The following OR11A1 variants were observed in gnomAD, a reference collection of about 807,000 sequenced individuals.
The protein encoded by OR11A1 is olfactory receptor 11A1.
For synonymous variants in OR11A1, 158 were observed against 152.2 expected (o/e 1.04, Z -0.28); for missense variants, 380 against 378.2 (o/e 1.00, Z -0.04).
intron 1 of OR11A1, among the ~76,000 whole-genome samples, chr6:29,435,940 G>A (rs1429660623): frequency 2.0e-5 from 3 of 152,126 alleles, no homozygotes; most frequent in Non-Finnish European, 2.9e-5. Context: ...CATAATCCCT[G>A]GCCTTCTAAA....
Position 29,427,361 on chromosome 6 carries a change from G to A in OR11A1, c.281C>T (p.Ser94Phe). The change falls in exon 5 of 5, where the codon TCT becomes TTT. Residue 94 changes from serine (S) to phenylalanine (F), a missense_variant. Physicochemically the swap from Ser to Phe is radical, Grantham distance 155. Transcript: ENST00000377149. ...GAACTGGAGCAAGCAACCAGCCACA[G>A]AGATAGTTGCTTCTTGCAGGAAGCC... ...LEGFLQEATI[S>F]VAGCLLQFFI... The A allele has an allele frequency of 1.2e-6, 2 of 1,613,140 alleles. No homozygotes were observed. The highest frequency in any genetic ancestry group is 1.7e-6 in the Non-Finnish European group (2 of 1,180,034).
At chr6:29,445,051 G>A (rs147682974) in intron 1 of OR11A1, among the ~76,000 whole-genome samples, 1,910 of 152,220 alleles carry the variant, frequency 0.013, 41 homozygotes, top group African/African-American at 0.038. Flanking sequence ...TTGTTGCCCA[G>A]GCTAGAGTGC....
intron 1 of OR11A1, among the ~76,000 whole-genome samples, chr6:29,450,710 C>A (rs966856960): frequency 9.2e-5 from 14 of 151,742 alleles, no homozygotes; most frequent in Non-Finnish European, 1.9e-4. Flanking sequence ...AAATCAGAGA[C>A]AACACACACA....
intron 1 of OR11A1, among the ~76,000 whole-genome samples, chr6:29,448,010 C>CTTTTTTTTTTTTT (rs9280602): frequency 1.3e-5 from 1 of 79,934 alleles, no homozygotes; most frequent in Non-Finnish European, 2.3e-5. Context: ...ATGACCCTTT[C>CTTTTTTTTTTTTT]TTTTTTTTTT....
At chr6:29,440,003 G>A (rs749376092) in intron 1 of OR11A1, 5 of 1,604,662 alleles carry the variant, frequency 3.1e-6, no homozygotes, top group African/African-American at 1.3e-5. Context: ...CCAGTCAAAG[G>A]TATGCAGGCA....
chr6:29,446,906 A>C (rs1246047188), intron 1 of OR11A1, among the ~76,000 whole-genome samples: 1 of 152,190 alleles, frequency 6.6e-6, no homozygotes, highest in African/African-American at 2.4e-5. Flanking sequence ...CACCCTCTTC[A>C]GAAAGCCAAA....
intron 3 of OR11A1, among the ~76,000 whole-genome samples, chr6:29,429,189 C>T (rs1267398695): frequency 1.3e-5 from 2 of 152,220 alleles, no homozygotes; most frequent in East Asian, 3.9e-4. Context: ...AAACTGGATG[C>T]CTCAGGGACC....
Position 29,427,631 on chromosome 6 carries a change from A to G in OR11A1, c.11T>C (p.Val4Ala), listed in dbSNP as rs1433353625. The change falls in exon 5 of 5, where the codon GTC becomes GCC. Residue 4 changes from valine (V) to alanine (A), a missense_variant. Coordinates refer to ENST00000377149, the MANE Select transcript of OR11A1 (RefSeq NM_001394828.1). ...AGTAATAGTTTCGTTTCCTGTGGAG[A>G]CAATTTCCATGTCGATCGTCCAAGT... The part of the protein sequence containing the change: MEI[V>A]STGNETITEF... 2 of 1,605,032 alleles carry G rather than the reference A, an allele frequency of 1.2e-6. No homozygotes were observed. The highest frequency in any genetic ancestry group is 1.7e-6 in the Non-Finnish European group (2 of 1,175,298).
At position 29,426,932 on chromosome 6, in the gene OR11A1, C is replaced by A. The variant is rs1323207836; in HGVS notation, c.710G>T (p.Arg237Met). The change falls in exon 5 of 5, where the codon AGG (arginine) becomes ATG (methionine). Residue 237 changes from arginine (R) to methionine (M), a missense_variant. By Grantham distance (91) the Arg-to-Met change is moderately conservative. Coordinates refer to ENST00000377149, the MANE Select transcript of OR11A1 (RefSeq NM_001394828.1). The part of the protein sequence containing the change: ...LRVPAGASRR[R>M]AFSTCSSHLA... Reference sequence around the variant, plus strand: ...GTGGGAGGAGCATGTGGAGAAAGCCCTTCTCCTGCTTGCCCCAGCAGGAAC... The same window carrying A: ...GTGGGAGGAGCATGTGGAGAAAGCCATTCTCCTGCTTGCCCCAGCAGGAAC... 1 of 1,612,966 alleles carries A rather than the reference C, an allele frequency of 6.2e-7. No individual in the cohort carries two copies. Among genetic ancestry groups the A allele is most frequent in the Non-Finnish European group, 8.5e-7 (1 of 1,179,964 alleles).
intron 3 of OR11A1, among the ~76,000 whole-genome samples, chr6:29,429,518 T>C (rs1180755767): frequency 6.6e-6 from 1 of 152,170 alleles, no homozygotes. Context: ...AACAGAAAAT[T>C]GCAATACGCC....
chr6:29,426,765 T>C lies in OR11A1; in HGVS notation c.877A>G (p.Met293Val), dbSNP rs748230559. ...TPLFNPVIYT[M>V]RNKEVHQALR... ...GCCTGATGCACCTCCTTGTTCCTCA[T>C]GGTATAGATCACAGGATTGAAGAGA... Residue 293 changes from methionine to valine, a missense_variant, in exon 5 of 5, where the codon ATG (methionine) becomes GTG (valine). Physicochemically the swap from Met to Val is conservative, Grantham distance 21 (BLOSUM62 1). Coordinates refer to ENST00000377149, the MANE Select transcript of OR11A1 (RefSeq NM_001394828.1). 2.7e-5 allele frequency: 43 copies of C among 1,612,882 alleles called. No individual in the cohort carries two copies. Among genetic ancestry groups the C allele is most frequent in the Middle Eastern group, 1.6e-4 (1 of 6,084 alleles).
intron 1 of OR11A1, among the ~76,000 whole-genome samples, chr6:29,441,229 A>G (rs1381631235): frequency 6.6e-6 from 1 of 152,254 alleles, no homozygotes; most frequent in Non-Finnish European, 1.5e-5. Context: ...GGATAAAGTT[A>G]CAAAATATTA....
rs114033335 is a variant in OR11A1, at chr6:29,446,342, C to T, written c.-389+10645G>A. On this transcript the variant is annotated intron_variant, in intron 1 of 4. Coordinates refer to ENST00000377149, the MANE Select transcript of OR11A1 (RefSeq NM_001394828.1). ...CCCTTGCCTATCTCCCTCCTCATCA[C>T]CCAATCCCATTTCCTGCAAGAAGAG... Among the ~76,000 whole-genome samples, 1,216 of 152,242 alleles carry T rather than the reference C, an allele frequency of 8.0e-3. 14 individuals are homozygous for T. Among genetic ancestry groups the T allele is most frequent in the East Asian group, 0.025 (130 of 5,176 alleles).
At position 29,427,334 on chromosome 6, in the gene OR11A1, A is replaced by G. The variant is rs1351434588; in HGVS notation, c.308T>C (p.Phe103Ser). Residue 103 changes from phenylalanine (F) to serine (S), a missense_variant, in exon 5 of 5, where the codon TTT becomes TCT. By Grantham distance (155) the Phe-to-Ser change is radical (BLOSUM62 -2). Coordinates refer to ENST00000377149, the MANE Select transcript of OR11A1 (RefSeq NM_001394828.1). ...AGCTGTGGCTAGAGAGCCGAAGATA[A>G]AGAACTGGAGCAAGCAACCAGCCAC... is the stretch of plus-strand genomic sequence containing the variant. ...ISVAGCLLQFFIFGSLATAEC... is the reference protein window; with the variant it reads ...ISVAGCLLQFSIFGSLATAEC... The G allele has an allele frequency of 1.9e-6, 3 of 1,613,024 alleles. No individual in the cohort carries two copies. In the African/African-American group the frequency reaches 4.0e-5, roughly 22 times the overall value.
chr6:29,432,307 A>G (rs1783284991), intron 1 of OR11A1, among the ~76,000 whole-genome samples: 1 of 152,180 alleles, frequency 6.6e-6, no homozygotes, highest in Non-Finnish European at 1.5e-5. Context: ...AAAGAGCCAA[A>G]TGGAGCCCAC....
intron 1 of OR11A1, among the ~76,000 whole-genome samples, chr6:29,436,376 A>C (rs1189299586): frequency 1.3e-5 from 2 of 152,168 alleles, no homozygotes; most frequent in African/African-American, 4.8e-5. Context: ...CCTGAGCACA[A>C]AAATGTTGCA....
chr6:29,441,127 A>G (rs1301142722), intron 1 of OR11A1: 5 of 573,702 alleles, frequency 8.7e-6, no homozygotes, highest in Admixed American at 3.1e-5. Context: ...GACCCTCACA[A>G]CACATACATA....
chr6:29,431,803 T>C, intron 2 of OR11A1, 61 bp downstream of exon 2: 3 of 945,024 alleles, frequency 3.2e-6, no homozygotes, highest in Non-Finnish European at 3.8e-6. Context: ...AAACCAGCCA[T>C]TTAACTTTTT....
At chr6:29,449,034 C>T (rs1434576801) in intron 1 of OR11A1, among the ~76,000 whole-genome samples, 4 of 152,082 alleles carry the variant, frequency 2.6e-5, no homozygotes, top group Non-Finnish European at 5.9e-5. Flanking sequence ...TCAGTGGTTT[C>T]CAGAGGTTAC....
Sources: allele counts gnomAD v4.1 joint callset (sites outside exome capture counted in the v4.1 genomes callset), GRCh38; gene constraint gnomAD v4.1.1; transcripts MANE v1.5; gene names NCBI Gene and HGNC (gene_info 2026-07-23, HGNC 2026-07-21).